Variants in RIT2 observed in about 807,000 individuals in gnomAD.
The protein encoded by RIT2 is GTP-binding protein Rit2.
Under a neutral mutation model 23.7 loss-of-function variants are expected in RIT2, and 24 were observed. The ratio of observed to expected loss-of-function variants is 1.01; its 90% confidence interval spans 0.73 to 1.43. The LOEUF (loss-of-function observed/expected upper bound fraction) is 1.43, where lower values mean the gene tolerates loss of function less well. Among genes scored for constraint, RIT2 ranks in the 40% most tolerant of loss-of-function variants. The pLI is 0.00. For synonymous variants in RIT2, 107 were observed against 91.1 expected, an observed-to-expected ratio of 1.17 and a Z score of -0.99; for missense variants, 236 against 266.9, an observed-to-expected ratio of 0.88 and a Z score of 0.81.
At chr18:43,035,214 T>G (rs1911947500) in intron 1 of RIT2, among the ~76,000 whole-genome samples, 1 of 152,170 alleles carries the variant, frequency 6.6e-6, no homozygotes, top group Non-Finnish European at 1.5e-5. Context: ...TGTTTTATGC[T>G]TTAACAATTG....
At chr18:42,797,237 T>C (rs189170655) in intron 4 of RIT2, among the ~76,000 whole-genome samples, 1 of 152,208 alleles carries the variant, frequency 6.6e-6, no homozygotes, top group East Asian at 1.9e-4. Context: ...AAACTCAAAG[T>C]CCTAAGAAAG....
chr18:42,971,948 C>T (rs1048504616), intron 3 of RIT2, among the ~76,000 whole-genome samples: 2 of 152,112 alleles, frequency 1.3e-5, no homozygotes, highest in Middle Eastern at 3.4e-3. Context: ...TGGCACCACA[C>T]TGGGGACCAG....
chr18:42,851,233 G>T (rs897864860), intron 4 of RIT2, among the ~76,000 whole-genome samples: 1 of 152,160 alleles, frequency 6.6e-6, no homozygotes, highest in Non-Finnish European at 1.5e-5. Flanking sequence ...AGAGCTACTT[G>T]ATACTTTACA....
At chr18:42,947,417 C>A (rs960896666) in intron 3 of RIT2, among the ~76,000 whole-genome samples, 3 of 152,024 alleles carry the variant, frequency 2.0e-5, no homozygotes, top group African/African-American at 7.2e-5. Context: ...TCTTTCATTG[C>A]CCATGGCTGA....
intron 4 of RIT2, among the ~76,000 whole-genome samples, chr18:42,769,012 T>C (rs534842342): frequency 5.6e-4 from 85 of 152,304 alleles, no homozygotes; most frequent in Non-Finnish European, 1.1e-3. Flanking sequence ...ATCCAAATGC[T>C]GGTTGTGTGA....
At chr18:42,869,844 G>A (rs1907576520) in intron 4 of RIT2, among the ~76,000 whole-genome samples, 1 of 152,164 alleles carries the variant, frequency 6.6e-6, no homozygotes, top group Non-Finnish European at 1.5e-5. Context: ...CACAAGTCAT[G>A]AGGGAAAGCT....
At chr18:42,778,463 C>A (rs1455543656) in intron 4 of RIT2, among the ~76,000 whole-genome samples, 2 of 152,066 alleles carry the variant, frequency 1.3e-5, no homozygotes, top group African/African-American at 4.8e-5. Flanking sequence ...TTTATAAACA[C>A]TTATACTCCA....
chr18:42,836,046 G>C (rs953064834), intron 4 of RIT2, among the ~76,000 whole-genome samples: 2 of 152,026 alleles, frequency 1.3e-5, no homozygotes, highest in African/African-American at 4.8e-5. Context: ...TCTTATTTAA[G>C]AACTTATTTC....
chr18:42,806,997 T>C (rs1905701892), intron 4 of RIT2, among the ~76,000 whole-genome samples: 1 of 152,208 alleles, frequency 6.6e-6, no homozygotes, highest in Admixed American at 6.5e-5. Flanking sequence ...ACTGCTGTGA[T>C]ATATTTATGA....
chr18:43,022,161 G>C (rs1177174120), intron 2 of RIT2, among the ~76,000 whole-genome samples: 1 of 152,140 alleles, frequency 6.6e-6, no homozygotes, highest in Non-Finnish European at 1.5e-5. Flanking sequence ...CCACAACATG[G>C]ACAGAGCTGG....
At chr18:42,883,124 G>A (rs1959311312) in intron 4 of RIT2, among the ~76,000 whole-genome samples, 1 of 152,056 alleles carries the variant, frequency 6.6e-6, no homozygotes, top group South Asian at 2.1e-4. Flanking sequence ...TGGTGTGTGT[G>A]TGTGTGCACG....
intron 2 of RIT2, among the ~76,000 whole-genome samples, chr18:43,002,006 G>A (rs927856784): frequency 6.6e-6 from 1 of 151,938 alleles, no homozygotes; most frequent in African/African-American, 2.4e-5. Context: ...TTCTTAAGGA[G>A]TATTGGCTCA....
chr18:42,945,675 T>A (rs990683148), intron 3 of RIT2, among the ~76,000 whole-genome samples: 28 of 152,122 alleles, frequency 1.8e-4, no homozygotes, highest in Non-Finnish European at 2.4e-4. Flanking sequence ...TGGTCTTTTT[T>A]AAATTTCTGT....
Position 42,743,261 on chromosome 18 carries a change from A to G in RIT2, c.*232T>C, listed in dbSNP as rs145853095. 276 of 541,048 alleles carry G rather than the reference A, an allele frequency of 5.1e-4. No individual in the cohort carries two copies. The highest frequency in any genetic ancestry group is 4.4e-3 in the African/African-American group (234 of 52,658). 33.5% of individuals were successfully genotyped at this position (541,048 alleles called of 1,614,324 possible). On this transcript the variant is annotated 3_prime_UTR_variant, in exon 5 of 5. Coordinates refer to ENST00000326695, the MANE Select transcript of RIT2 (RefSeq NM_002930.4). The stretch of plus-strand genomic sequence containing the variant: ...TGGAATGTCAATTTTATTTAGTACT[A>G]TGTTGTAAAAACTAAACAGCATATC...
chr18:42,960,203 C>T (rs1004866791), intron 3 of RIT2, among the ~76,000 whole-genome samples: 2 of 152,198 alleles, frequency 1.3e-5, no homozygotes, highest in Non-Finnish European at 2.9e-5. Context: ...CATTACCTAA[C>T]ATTATAAACA....
intron 4 of RIT2, among the ~76,000 whole-genome samples, chr18:42,881,771 A>C (rs964172354): frequency 5.9e-5 from 9 of 152,270 alleles, no homozygotes; most frequent in Middle Eastern, 3.4e-3. Flanking sequence ...AGCACTTTCA[A>C]CATTATGCTC....
At chr18:43,077,602 C>T (rs1484267066) in intron 1 of RIT2, among the ~76,000 whole-genome samples, 2 of 152,178 alleles carry the variant, frequency 1.3e-5, no homozygotes, top group Non-Finnish European at 2.9e-5. Context: ...GGATTAAGCA[C>T]TAACTGGCTT....
chr18:42,803,522 G>A (rs1046612654), intron 4 of RIT2, among the ~76,000 whole-genome samples: 3 of 152,166 alleles, frequency 2.0e-5, no homozygotes, highest in South Asian at 2.1e-4. Flanking sequence ...AACAATGGGA[G>A]CTCTTCATTT....
intron 4 of RIT2, among the ~76,000 whole-genome samples, chr18:42,782,196 C>T (rs1429833427): frequency 6.6e-6 from 1 of 152,068 alleles, no homozygotes; most frequent in Non-Finnish European, 1.5e-5. Context: ...TTTAGTTGGG[C>T]TGCTCAAAAA....
Sources: allele counts gnomAD v4.1 joint callset (sites outside exome capture counted in the v4.1 genomes callset), GRCh38; gene constraint gnomAD v4.1.1; transcripts MANE v1.5; gene names NCBI Gene and HGNC (gene_info 2026-07-23, HGNC 2026-07-21).